Variants in KCNIP4 observed in about 807,000 individuals in gnomAD.
KCNIP4 encodes potassium voltage-gated channel interacting protein 4, also known as Kv channel-interacting protein 4.
Under a neutral mutation model 34.0 loss-of-function variants are expected in KCNIP4, and 12 were observed. That is an observed-to-expected ratio of 0.35 (90% CI 0.23 to 0.57). The LOEUF (loss-of-function observed/expected upper bound fraction) is 0.57, where lower values mean the gene tolerates loss of function less well. Among genes scored for constraint, KCNIP4 ranks in the 20% least tolerant of loss-of-function variants. The pLI is 0.83. For missense variants in KCNIP4, 238 were observed against 311.7 expected, an observed-to-expected ratio of 0.76 and a Z score of 1.78; for synonymous variants, 124 against 102.2, an observed-to-expected ratio of 1.21 and a Z score of -1.29.
chr4:21,733,417 G>A lies in KCNIP4; in HGVS notation c.61+215154C>T, dbSNP rs539905990. Among the ~76,000 whole-genome samples, 5 of 152,150 alleles carry A rather than the reference G, an allele frequency of 3.3e-5. No homozygotes were observed. The South Asian group carries it at 8.3e-4, about 25-fold the overall frequency. ...AAGAATATGTTGTCTACAGAGTTTC[G>A]CAAACTTGTATACAGATACACACAC... On this transcript the variant is annotated intron_variant, in intron 1 of 8. Transcript: ENST00000382152.
chr4:21,276,054 A>C (rs1013456241), intron 1 of KCNIP4, among the ~76,000 whole-genome samples: 1 of 152,236 alleles, frequency 6.6e-6, no homozygotes, highest in African/African-American at 2.4e-5. Context: ...TGTGGCCTGC[A>C]GGCAGCAGGT....
intron 1 of KCNIP4, among the ~76,000 whole-genome samples, chr4:21,349,610 ATAAT>A (rs1250744360): frequency 1.3e-5 from 2 of 152,038 alleles, no homozygotes; most frequent in African/African-American, 4.8e-5. Flanking sequence ...GCCCTTACAA[ATAAT>A]TGGGATTCCC....
intron 1 of KCNIP4, among the ~76,000 whole-genome samples, chr4:21,550,176 T>C (rs16871370): frequency 0.064 from 9,760 of 152,126 alleles, 494 homozygotes; most frequent in South Asian, 0.21. Context: ...ATGGATCTCA[T>C]TGGCAGGTCT....
chr4:20,823,005 A>G (rs1359616081), intron 3 of KCNIP4, among the ~76,000 whole-genome samples: 1 of 152,162 alleles, frequency 6.6e-6, no homozygotes, highest in Admixed American at 6.5e-5. Flanking sequence ...AAAAATAGAT[A>G]GAGAGCAGCG....
At chr4:20,761,679 A>G (rs1754974560) in intron 3 of KCNIP4, among the ~76,000 whole-genome samples, 1 of 152,176 alleles carries the variant, frequency 6.6e-6, no homozygotes, top group Admixed American at 6.6e-5. Context: ...GCATCAACAA[A>G]TTTGTTAGCT....
At chr4:21,004,166 A>T (rs1483610560) in intron 1 of KCNIP4, among the ~76,000 whole-genome samples, 1 of 152,222 alleles carries the variant, frequency 6.6e-6, no homozygotes, top group Non-Finnish European at 1.5e-5. Context: ...AGACTAAAAA[A>T]GTGAGATGAG....
chr4:21,045,294 C>A (rs1034333606), intron 1 of KCNIP4, among the ~76,000 whole-genome samples: 2 of 152,136 alleles, frequency 1.3e-5, no homozygotes, highest in Admixed American at 6.6e-5. Context: ...TGGTAAAATG[C>A]AGATTAATTC....
At chr4:21,948,324 C>T (rs1730616830) in intron 1 of KCNIP4, among the ~76,000 whole-genome samples, 1 of 152,164 alleles carries the variant, frequency 6.6e-6, no homozygotes, top group Admixed American at 6.5e-5. Flanking sequence ...GACCCTGCCA[C>T]CGGCGAGTTT....
intron 1 of KCNIP4, among the ~76,000 whole-genome samples, chr4:21,467,316 C>CA: frequency 6.6e-6 from 1 of 152,178 alleles, no homozygotes; most frequent in South Asian, 2.1e-4. Context: ...AGCCAACTTC[C>CA]AAAAATATAT....
intron 1 of KCNIP4, among the ~76,000 whole-genome samples, chr4:20,905,909 G>T (rs1358778590): frequency 1.3e-5 from 2 of 151,868 alleles, no homozygotes; most frequent in East Asian, 1.9e-4. Flanking sequence ...CTCTTTAAAG[G>T]CTTCATCACC....
intron 1 of KCNIP4, among the ~76,000 whole-genome samples, chr4:21,859,719 G>A (rs6814635): frequency 0.14 from 21,958 of 152,122 alleles, 1,797 homozygotes; most frequent in African/African-American, 0.23. Context: ...ATCAATTAGT[G>A]TCTGAATGGA....
intron 1 of KCNIP4, among the ~76,000 whole-genome samples, chr4:21,131,141 A>G (rs1344852505): frequency 1.3e-5 from 2 of 152,198 alleles, no homozygotes; most frequent in Non-Finnish European, 2.9e-5. Context: ...ATAACCAAAA[A>G]GCAAAAGCAA....
chr4:21,290,956 G>C (rs1464537629), intron 1 of KCNIP4, among the ~76,000 whole-genome samples: 1 of 152,186 alleles, frequency 6.6e-6, no homozygotes, highest in Non-Finnish European at 1.5e-5. Context: ...TAGTCCATGA[G>C]CTGGATCCAG....
chr4:21,302,097 G>A (rs1202820978), intron 1 of KCNIP4, among the ~76,000 whole-genome samples: 2 of 152,170 alleles, frequency 1.3e-5, no homozygotes, highest in African/African-American at 2.4e-5. Context: ...GGAGAATGCT[G>A]ATATTGTAAA....
intron 1 of KCNIP4, among the ~76,000 whole-genome samples, chr4:21,340,242 A>C (rs1578099585): frequency 8.7e-6 from 1 of 114,886 alleles, no homozygotes; most frequent in Non-Finnish European, 1.8e-5. Flanking sequence ...GATCTCCTAA[A>C]GCTTTCCAAG....
chr4:21,549,863 C>G (rs1388800161), intron 1 of KCNIP4, among the ~76,000 whole-genome samples: 1 of 151,988 alleles, frequency 6.6e-6, no homozygotes, highest in African/African-American at 2.4e-5. Flanking sequence ...CCTATAGAAC[C>G]CTCTGCTCAC....
rs1156854239 is a variant in KCNIP4, at chr4:21,006,534, C to G, written c.62-123825G>C. Among the ~76,000 whole-genome samples the G allele has an allele frequency of 2.1e-4, 32 of 152,156 alleles. 1 individual carries two copies. Among genetic ancestry groups the G allele is most frequent in the Non-Finnish European group, 5.9e-5 (4 of 68,018 alleles). ...GTGTCTCTTTTTAAGGGACCATAAT[C>G]TACTGGGGAAAACAGATAAGCCAAA... On this transcript the variant is annotated intron_variant, in intron 1 of 8. Coordinates refer to ENST00000382152, the MANE Select transcript of KCNIP4 (RefSeq NM_025221.6).
intron 1 of KCNIP4, among the ~76,000 whole-genome samples, chr4:21,937,115 G>C (rs1005870468): frequency 4.6e-5 from 7 of 152,182 alleles, no homozygotes; most frequent in African/African-American, 1.7e-4. Context: ...TCATCACAAT[G>C]CTGGACGTGT....
At chr4:21,188,492 C>G (rs992181266) in intron 1 of KCNIP4, among the ~76,000 whole-genome samples, 6 of 151,848 alleles carry the variant, frequency 4.0e-5, no homozygotes, top group Admixed American at 2.6e-4. Context: ...TAACATTTCT[C>G]ATGTTTTTTG....
Sources: allele counts gnomAD v4.1 joint callset (sites outside exome capture counted in the v4.1 genomes callset), GRCh38; gene constraint gnomAD v4.1.1; transcripts MANE v1.5; gene names NCBI Gene and HGNC (gene_info 2026-07-23, HGNC 2026-07-21).